The following CHSY3 variants were observed in gnomAD, a reference collection of about 807,000 sequenced individuals.
CHSY3 encodes the protein chondroitin sulfate synthase 3.
CHSY3 carries 35 observed loss-of-function variants against 67.2 expected under a neutral mutation model. The ratio of observed to expected loss-of-function variants is 0.52; its 90% confidence interval spans 0.40 to 0.69. CHSY3 has a LOEUF of 0.69. Among genes scored for constraint, CHSY3 ranks in the 30% least tolerant of loss-of-function variants. CHSY3 has a pLI of 0.00. For missense variants in CHSY3, 1,069 were observed against 1,138.5 expected, an observed-to-expected ratio of 0.94 and a Z score of 0.88; for synonymous variants, 474 against 434.7, an observed-to-expected ratio of 1.09 and a Z score of -1.12.
At chr5:129,932,677 C>T (rs915018450) in intron 2 of CHSY3, among the ~76,000 whole-genome samples, 2 of 151,936 alleles carry the variant, frequency 1.3e-5, no homozygotes, top group Admixed American at 6.6e-5. Flanking sequence ...ATAATGTTTC[C>T]GTGTTTCCCA....
chr5:130,032,482 C>T lies in CHSY3; in HGVS notation c.1086+124122C>T, dbSNP rs566559668. Among the ~76,000 whole-genome samples the T allele has an allele frequency of 1.3e-4, 20 of 152,138 alleles. No homozygotes were observed. In the South Asian group the frequency reaches 3.7e-3, roughly 28 times the overall value. The stretch of plus-strand genomic sequence containing the variant: ...GAAGAATCCCACTGTGACTCAATAC[C>T]ACCCATTTCCAAAATGAAAATGGTG... On this transcript the variant is annotated intron_variant, in intron 2 of 2. Coordinates refer to ENST00000305031, the MANE Select transcript of CHSY3 (RefSeq NM_175856.5).
chr5:129,990,965 G>T (rs1376238414), intron 2 of CHSY3, among the ~76,000 whole-genome samples: 1 of 152,078 alleles, frequency 6.6e-6, no homozygotes, highest in Non-Finnish European at 1.5e-5. Context: ...TAAGACCTAG[G>T]TGTCAGAAGT....
intron 2 of CHSY3, among the ~76,000 whole-genome samples, chr5:129,986,060 A>G (rs1763191580): frequency 6.6e-6 from 1 of 152,038 alleles, no homozygotes; most frequent in Admixed American, 6.5e-5. Flanking sequence ...TTCCAGTACT[A>G]TGTTGAATAG....
chr5:129,983,125 TCTA>T (rs1404232685), intron 2 of CHSY3, among the ~76,000 whole-genome samples: 2 of 152,076 alleles, frequency 1.3e-5, no homozygotes, highest in African/African-American at 4.8e-5. Context: ...CTATGATATA[TCTA>T]CTGTTAAAAA....
Position 130,028,706 on chromosome 5 carries a change from T to A in CHSY3, c.1086+120346T>A, listed in dbSNP as rs143607746. 5.1e-3 allele frequency among the ~76,000 whole-genome samples: 776 copies of A among 151,878 alleles called. 4 individuals carry two copies. Among genetic ancestry groups the A allele is most frequent in the African/African-American group, 0.016 (662 of 41,290 alleles). ...GTGCTGGAAAAAATCTCTGTCTCTGTCTCTCTCTTTCTTTATTTCTGTCAT... is the reference window on the plus strand; with the variant it reads ...GTGCTGGAAAAAATCTCTGTCTCTGACTCTCTCTTTCTTTATTTCTGTCAT... On this transcript the variant is annotated intron_variant, in intron 2 of 2. Coordinates refer to ENST00000305031, the MANE Select transcript of CHSY3 (RefSeq NM_175856.5).
intron 2 of CHSY3, among the ~76,000 whole-genome samples, chr5:129,924,898 CA>C (rs1440890979): frequency 6.6e-6 from 1 of 152,110 alleles, no homozygotes; most frequent in Non-Finnish European, 1.5e-5. Flanking sequence ...GCAAATTCCT[CA>C]AATAATGATT....
At chr5:129,925,391 G>A (rs1002805992) in intron 2 of CHSY3, among the ~76,000 whole-genome samples, 1 of 152,104 alleles carries the variant, frequency 6.6e-6, no homozygotes, top group African/African-American at 2.4e-5. Context: ...ATTTTAAACA[G>A]CTGAATGATC....
At chr5:130,101,626 T>G (rs1023814667) in intron 2 of CHSY3, among the ~76,000 whole-genome samples, 1 of 152,148 alleles carries the variant, frequency 6.6e-6, no homozygotes, top group Non-Finnish European at 1.5e-5. Flanking sequence ...TTAGCAATTT[T>G]CAGGTATACA....
intron 2 of CHSY3, among the ~76,000 whole-genome samples, chr5:129,926,115 G>C (rs1222708068): frequency 6.6e-6 from 1 of 151,928 alleles, no homozygotes; most frequent in African/African-American, 2.4e-5. Flanking sequence ...TTCTGAATTA[G>C]GATTACAAAA....
In CHSY3 at chr5:129,908,323, G is replaced by A. The variant is rs1760397354; in HGVS notation, c.1049G>A (p.Arg350His). The A allele has an allele frequency of 1.9e-6, 3 of 1,614,014 alleles. No individual in the cohort carries two copies. Among genetic ancestry groups the A allele is most frequent in the Non-Finnish European group, 2.5e-6 (3 of 1,179,886 alleles). ...HEDVEVGRCV[R>H]RFGGTQCVWS... Reference sequence around the variant, plus strand: ...GATGTGGAAGTAGGAAGATGCGTTCGCCGTTTTGGTGGGACTCAGTGTGTC... The same window carrying A: ...GATGTGGAAGTAGGAAGATGCGTTCACCGTTTTGGTGGGACTCAGTGTGTC... Residue 350 changes from arginine (R) to histidine (H), a missense_variant, in exon 2 of 3, where the codon CGC becomes CAC. Transcript: ENST00000305031.
At chr5:130,168,668 T>C (rs1323038800) in intron 2 of CHSY3, among the ~76,000 whole-genome samples, 1 of 152,108 alleles carries the variant, frequency 6.6e-6, no homozygotes, top group Non-Finnish European at 1.5e-5. Context: ...GGTTATCAGC[T>C]AGTTTTGGAG....
At chr5:130,155,280 A>G (rs1416029059) in intron 2 of CHSY3, among the ~76,000 whole-genome samples, 2 of 152,194 alleles carry the variant, frequency 1.3e-5, no homozygotes, top group South Asian at 2.1e-4. Flanking sequence ...TGGGGAAAAA[A>G]TGTGCACATA....
chr5:129,973,820 G>C (rs1372779397), intron 2 of CHSY3, among the ~76,000 whole-genome samples: 2 of 152,008 alleles, frequency 1.3e-5, no homozygotes, highest in Non-Finnish European at 2.9e-5. Flanking sequence ...TCAGTGTCTT[G>C]ACAAAACCCA....
intron 2 of CHSY3, among the ~76,000 whole-genome samples, chr5:129,982,365 AT>A (rs1763045467): frequency 6.6e-6 from 1 of 152,104 alleles, no homozygotes; most frequent in South Asian, 2.1e-4. Context: ...ATAATTGCAA[AT>A]TTTTTTAACA....
chr5:130,076,276 C>T (rs1766247244), intron 2 of CHSY3, among the ~76,000 whole-genome samples: 1 of 151,824 alleles, frequency 6.6e-6, no homozygotes, highest in Admixed American at 6.6e-5. Flanking sequence ...TCAGGACACC[C>T]TGTCCTCCCA....
chr5:129,916,021 C>T (rs757703519), intron 2 of CHSY3, among the ~76,000 whole-genome samples: 1 of 152,140 alleles, frequency 6.6e-6, no homozygotes, highest in Non-Finnish European at 1.5e-5. Flanking sequence ...AGGGCTACAA[C>T]TGAAAAGGGC....
At chr5:129,956,171 A>AT (rs990965996) in intron 2 of CHSY3, among the ~76,000 whole-genome samples, 10 of 151,916 alleles carry the variant, frequency 6.6e-5, no homozygotes, top group East Asian at 3.9e-4. Flanking sequence ...GTGTATAAGC[A>AT]TTTTTTTTCT....
chr5:130,173,870 A>T (rs1769968033), intron 2 of CHSY3, among the ~76,000 whole-genome samples: 1 of 151,930 alleles, frequency 6.6e-6, no homozygotes, highest in Non-Finnish European at 1.5e-5. Context: ...CCAGAGAAGT[A>T]GGGCACATTT....
intron 2 of CHSY3, among the ~76,000 whole-genome samples, chr5:130,006,864 T>C (rs908549337): frequency 3.9e-5 from 6 of 152,206 alleles, no homozygotes; most frequent in South Asian, 2.1e-4. Flanking sequence ...TAGCCTACAA[T>C]GTGCTAGATG....
Sources: gnomAD v4.1 joint callset for allele counts (sites outside exome capture counted in the v4.1 genomes callset) on GRCh38, gnomAD v4.1.1 for gene constraint, MANE v1.5 for transcripts, NCBI Gene and HGNC (gene_info 2026-07-23, HGNC 2026-07-21) for gene names.